GABRB2: variants seen among roughly 807,000 people sequenced by gnomAD.
GABRB2 encodes gamma-aminobutyric acid receptor subunit beta-2.
Under a neutral mutation model 54.7 loss-of-function variants are expected in GABRB2, and 16 were observed. The ratio of observed to expected loss-of-function variants is 0.29; its 90% CI spans 0.20 to 0.44. The LOEUF is 0.44. Among genes scored for constraint, GABRB2 ranks in the 20% least tolerant of loss-of-function variants. GABRB2 has a pLI of 1.00. For synonymous variants in GABRB2, 244 were observed against 233.8 expected (o/e 1.04, Z -0.40); for missense variants, 355 against 644.0 (o/e 0.55, Z 4.86).
intron 4 of GABRB2, among the ~76,000 whole-genome samples, chr5:161,443,104 C>T (rs1296629923): frequency 6.6e-6 from 1 of 151,894 alleles, no homozygotes; most frequent in African/African-American, 2.4e-5. Flanking sequence ...AGAATTACAC[C>T]CTCCCCTCCC....
At chr5:161,478,860 T>C (rs758666659) in intron 3 of GABRB2, among the ~76,000 whole-genome samples, 3 of 152,096 alleles carry the variant, frequency 2.0e-5, no homozygotes, top group African/African-American at 4.8e-5. Context: ...AAGTGCTATG[T>C]AGATCCTTTT....
intron 3 of GABRB2, among the ~76,000 whole-genome samples, chr5:161,495,038 GT>G (rs1419110205): frequency 6.6e-6 from 1 of 151,876 alleles, no homozygotes; most frequent in Non-Finnish European, 1.5e-5. Flanking sequence ...ATTTAAAGTG[GT>G]TGCTGTTGTG....
At position 161,477,679 on chromosome 5, in the gene GABRB2, C is replaced by CA. The variant is rs1338878503; in HGVS notation, c.238-17836dup. Among the ~76,000 whole-genome samples the CA allele has an allele frequency of 7.2e-5, 11 of 151,980 alleles. No individual in the cohort carries two copies. The South Asian group carries it at 1.9e-3, about 26-fold the overall frequency. ...CTATGACATGGATGAACATTGACAACATTATGCTAAGTGAAATAAGCCAGT... is the reference window on the plus strand; with the variant it reads ...CTATGACATGGATGAACATTGACAACAATTATGCTAAGTGAAATAAGCCAGT... On this transcript the variant is annotated intron_variant, in intron 3 of 9. Transcript: ENST00000393959.
intron 3 of GABRB2, among the ~76,000 whole-genome samples, chr5:161,505,121 TTTTG>T (rs1250692607): frequency 6.6e-6 from 1 of 151,488 alleles, no homozygotes; most frequent in East Asian, 1.9e-4. Flanking sequence ...TTTTTTTTTT[TTTTG>T]TTTGTTTGTT....
At chr5:161,545,163 C>A (rs1760940110) in intron 3 of GABRB2, 64 bp downstream of exon 3, 1 of 1,323,792 alleles carries the variant, frequency 7.6e-7, no homozygotes, top group Middle Eastern at 1.8e-4. Context: ...ATAGCTGGCT[C>A]ATTTCTCCTT....
At chr5:161,394,961 AAT>A (rs1219062096) in intron 5 of GABRB2, among the ~76,000 whole-genome samples, 1 of 152,196 alleles carries the variant, frequency 6.6e-6, no homozygotes, top group Non-Finnish European at 1.5e-5. Flanking sequence ...TCAACAAAAT[AAT>A]AGAATATCAC....
At chr5:161,469,631 C>T (rs1391074145) in intron 3 of GABRB2, among the ~76,000 whole-genome samples, 2 of 151,830 alleles carry the variant, frequency 1.3e-5, no homozygotes, top group Non-Finnish European at 2.9e-5. Context: ...GACTTCATAT[C>T]TGCTTCATGT....
At chr5:161,458,376 C>A (rs1387422666) in intron 4 of GABRB2, among the ~76,000 whole-genome samples, 6 of 152,132 alleles carry the variant, frequency 3.9e-5, no homozygotes, top group African/African-American at 1.2e-4. Flanking sequence ...CATTTGTCTA[C>A]CACCAGTGTT....
chr5:161,398,412 T>C (rs1051747044), intron 5 of GABRB2, among the ~76,000 whole-genome samples: 3 of 152,296 alleles, frequency 2.0e-5, no homozygotes, highest in African/African-American at 7.2e-5. Flanking sequence ...TTTGGCTAAA[T>C]TAAACTGATA....
chr5:161,301,632 G>A (rs535880031), intron 9 of GABRB2, among the ~76,000 whole-genome samples: 46 of 152,178 alleles, frequency 3.0e-4, no homozygotes, highest in Non-Finnish European at 5.7e-4. Flanking sequence ...TAAATGAAAC[G>A]AGAGGGAGGG....
intron 5 of GABRB2, among the ~76,000 whole-genome samples, chr5:161,355,557 G>A (rs1484420995): frequency 1.3e-5 from 2 of 151,772 alleles, no homozygotes; most frequent in African/African-American, 4.8e-5. Flanking sequence ...AGGACAGTAG[G>A]TGCCTCATAA....
At chr5:161,443,504 A>G (rs1757524361) in intron 4 of GABRB2, among the ~76,000 whole-genome samples, 1 of 152,110 alleles carries the variant, frequency 6.6e-6, no homozygotes, top group Non-Finnish European at 1.5e-5. Context: ...TCAACCTAAA[A>G]CCTATTTAGT....
Position 161,289,446 on chromosome 5 carries a change from C to T in GABRB2, c.*4635G>A, listed in dbSNP as rs1400006103. The T allele has an allele frequency of 3.3e-5, 5 of 149,814 alleles. No individual in the cohort carries two copies. The highest frequency in any genetic ancestry group is 6.7e-5 in the Admixed American group (1 of 14,920). The allele number at this position is 149,814 out of a possible 1,614,324, so 9.3% of individuals were successfully genotyped here. ...TTCTGGAGTCTTTGGTTGAAAGGAA[C>T]AATACTACCTAAGGACAAAATACTA... is the stretch of plus-strand genomic sequence containing the variant. On this transcript the variant is annotated 3_prime_UTR_variant, in exon 10 of 10. Coordinates refer to ENST00000393959, the MANE Select transcript of GABRB2 (RefSeq NM_001371727.1).
At chr5:161,438,448 T>C (rs755238534) in intron 4 of GABRB2, among the ~76,000 whole-genome samples, 2 of 152,096 alleles carry the variant, frequency 1.3e-5, no homozygotes, top group Non-Finnish European at 2.9e-5. Flanking sequence ...GTCCAGACAC[T>C]GAAGACCAGA....
rs1760995426 is a variant in GABRB2, at chr5:161,546,668, G to C, written c.-25C>G. 2.5e-6 allele frequency: 4 copies of C among 1,572,028 alleles called. No individual in the cohort carries two copies. Among genetic ancestry groups the C allele is most frequent in the Non-Finnish European group, 3.5e-6 (4 of 1,156,998 alleles). ...TCCCTTTAGTTTTTGATGGAATTGA[G>C]GGTTTCACTGAAGAGAGGAGATCCA... is the stretch of plus-strand genomic sequence containing the variant. On this transcript the variant is annotated 5_prime_UTR_variant, in exon 1 of 10. Coordinates refer to ENST00000393959, the MANE Select transcript of GABRB2 (RefSeq NM_001371727.1).
At chr5:161,297,385 A>C (rs1757410852) in intron 9 of GABRB2, among the ~76,000 whole-genome samples, 1 of 152,096 alleles carries the variant, frequency 6.6e-6, no homozygotes, top group Admixed American at 6.6e-5. Flanking sequence ...TGCACCCATC[A>C]ACCAGTCATC....
At chr5:161,378,100 AGAACTCTGG>A (rs1755361455) in intron 5 of GABRB2, among the ~76,000 whole-genome samples, 1 of 152,084 alleles carries the variant, frequency 6.6e-6, no homozygotes, top group Admixed American at 6.6e-5. Context: ...GTTGGGGTTG[AGAACTCTGG>A]GAACTCTGAA....
intron 5 of GABRB2, among the ~76,000 whole-genome samples, chr5:161,396,226 A>G (rs1016899165): frequency 6.6e-6 from 1 of 152,154 alleles, no homozygotes; most frequent in Non-Finnish European, 1.5e-5. Flanking sequence ...CACTGAGCCC[A>G]AGTAAACCCC....
At chr5:161,513,601 T>C (rs912383230) in intron 3 of GABRB2, among the ~76,000 whole-genome samples, 3 of 151,914 alleles carry the variant, frequency 2.0e-5, no homozygotes, top group Non-Finnish European at 4.4e-5. Flanking sequence ...GACATACAGA[T>C]GGCAGCAATA....
Sources: allele counts gnomAD v4.1 joint callset (sites outside exome capture counted in the v4.1 genomes callset), GRCh38; gene constraint gnomAD v4.1.1; transcripts MANE v1.5; gene names NCBI Gene and HGNC (gene_info 2026-07-23, HGNC 2026-07-21).